LRBA: variants seen among roughly 807,000 people sequenced by gnomAD.
The protein encoded by LRBA is LPS responsive beige-like anchor protein, also known as lipopolysaccharide-responsive and beige-like anchor protein.
Under a neutral mutation model 330.0 loss-of-function variants are expected in LRBA, and 176 were observed. That is an observed-to-expected ratio of 0.53 (90% CI 0.47 to 0.60). The LOEUF (loss-of-function observed/expected upper bound fraction) is 0.60, where lower values mean the gene tolerates loss of function less well. LRBA is among the 20% of genes least tolerant of loss of function. The pLI is 0.00. For missense variants in LRBA, 3,259 were observed against 3,444.8 expected, an observed-to-expected ratio of 0.95 and a Z score of 1.35; for synonymous variants, 1,230 against 1,193.0, an observed-to-expected ratio of 1.03 and a Z score of -0.64.
At chr4:150,452,768 G>A (rs565285038) in intron 44 of LRBA, among the ~76,000 whole-genome samples, 1 of 152,194 alleles carries the variant, frequency 6.6e-6, no homozygotes, top group African/African-American at 2.4e-5. Flanking sequence ...TGTTAACCTT[G>A]TATAGTGCAG....
chr4:150,451,973 G>T (rs554417956), intron 44 of LRBA, among the ~76,000 whole-genome samples: 2 of 152,074 alleles, frequency 1.3e-5, no homozygotes, highest in African/African-American at 4.8e-5. Flanking sequence ...GGCCTAAATG[G>T]CTTCACTCAT....
chr4:150,359,470 C>T (rs1319420914), intron 47 of LRBA, among the ~76,000 whole-genome samples: 1 of 152,184 alleles, frequency 6.6e-6, no homozygotes, highest in East Asian at 1.9e-4. Context: ...CTTACAGCAA[C>T]TGATTACCAG....
chr4:150,717,667 C>CAATAATAATAATAAT lies in LRBA; in HGVS notation c.5754+17590_5754+17591insATTATTATTATTATT, dbSNP rs1553944883. Reference sequence around the variant, plus strand: ...ATAGTGAGACTCTGTCTCAAAATAACAATAATAGTAATAATAATAATAATA... The same window carrying CAATAATAATAATAAT: ...ATAGTGAGACTCTGTCTCAAAATAACAATAATAATAATAATAATAATAGTAATAATAATAATAATA... On this transcript the variant is annotated intron_variant, in intron 36 of 56. Transcript: ENST00000651943. Among the ~76,000 whole-genome samples, 6 of 15,972 alleles carry CAATAATAATAATAAT rather than the reference C, an allele frequency of 3.8e-4. No homozygotes were observed. The Admixed American group carries it at 4.2e-3, about 11-fold the overall frequency. The allele number at this position is 15,972 out of a possible 152,430, so 10.5% of individuals were successfully genotyped here. A position where few individuals can be genotyped will look rare whatever the true frequency, so the allele number is the denominator to read the frequency against.
rs140475638 is a variant in LRBA, at chr4:150,373,437, T to A, written c.7195-23278A>T. On this transcript the variant is annotated intron_variant, in intron 47 of 56. Transcript: ENST00000651943. ...TATTTTCAACTAGGTTTTTAAGATG[T>A]AACCTAGACTCTCATCAACTTGACT... is the stretch of plus-strand genomic sequence containing the variant. Among the ~76,000 whole-genome samples, 16 of 152,284 alleles carry A rather than the reference T, an allele frequency of 1.1e-4. No homozygotes were observed. The East Asian group carries it at 2.5e-3, about 24-fold the overall frequency.
chr4:150,973,033 C>A (rs754093101), intron 2 of LRBA, among the ~76,000 whole-genome samples: 3 of 152,166 alleles, frequency 2.0e-5, no homozygotes, highest in Non-Finnish European at 2.9e-5. Flanking sequence ...CACCTATAAT[C>A]CTAGCACTTT....
intron 2 of LRBA, among the ~76,000 whole-genome samples, chr4:150,943,314 T>A (rs1240621223): frequency 1.3e-5 from 2 of 152,190 alleles, no homozygotes; most frequent in African/African-American, 4.8e-5. Context: ...AGAGATAGGG[T>A]CTCACTATGT....
At chr4:150,717,675 G>GTAATAGTAATAATAATAA (rs71596232) in intron 36 of LRBA, among the ~76,000 whole-genome samples, 17 of 139,770 alleles carry the variant, frequency 1.2e-4, no homozygotes, top group African/African-American at 4.5e-4. Flanking sequence ...AACAATAATA[G>GTAATAGTAATAATAATAA]TAATAATAAT....
At position 150,265,693 on chromosome 4, in the gene LRBA, G is replaced by A. The variant is rs777605513; in HGVS notation, c.*29C>T. 9.2e-6 allele frequency: 13 copies of A among 1,419,824 alleles called. No homozygotes were observed. The South Asian group carries it at 1.5e-4, about 16-fold the overall frequency. The allele number at this position is 1,419,824 out of a possible 1,614,324, so 88.0% of individuals were successfully genotyped here. On this transcript the variant is annotated 3_prime_UTR_variant, in exon 57 of 57. Transcript: ENST00000651943. ...GCTCCAGGTACTTCTGCTCATCCTA[G>A]GGGCAGAGTTGATGTACAGCTGTCA...
intron 54 of LRBA, among the ~76,000 whole-genome samples, chr4:150,283,746 G>T (rs1020065401): frequency 6.6e-6 from 1 of 152,170 alleles, no homozygotes; most frequent in Non-Finnish European, 1.5e-5. Context: ...AATTTAGGTT[G>T]TCATAGTAAT....
intron 30 of LRBA, among the ~76,000 whole-genome samples, chr4:150,821,222 A>G (rs2126783972): frequency 6.6e-6 from 1 of 152,266 alleles, no homozygotes; most frequent in South Asian, 2.1e-4. Context: ...CCAATTATGC[A>G]AGCTGGTTTC....
At chr4:150,538,594 T>C (rs1764945247) in intron 40 of LRBA, among the ~76,000 whole-genome samples, 1 of 151,742 alleles carries the variant, frequency 6.6e-6, no homozygotes, top group African/African-American at 2.4e-5. Flanking sequence ...ACTGGGTACA[T>C]ATGGACATAC....
chr4:150,445,377 C>CTCTCTCTCTCTATA (rs1454079183), intron 44 of LRBA, among the ~76,000 whole-genome samples: 2 of 78,602 alleles, frequency 2.5e-5, no homozygotes. Context: ...CTCTCTCTCT[C>CTCTCTCTCTCTATA]TATATATATA....
chr4:150,451,505 G>A (rs942005140), intron 44 of LRBA, among the ~76,000 whole-genome samples: 32 of 152,052 alleles, frequency 2.1e-4, no homozygotes, highest in African/African-American at 7.2e-4. Flanking sequence ...CATTTAAATG[G>A]GATGAAAATA....
At chr4:150,950,056 T>C (rs552428275) in intron 2 of LRBA, among the ~76,000 whole-genome samples, 1 of 152,166 alleles carries the variant, frequency 6.6e-6, no homozygotes, top group East Asian at 1.9e-4. Context: ...ATTACATAAC[T>C]TCAGATTCAT....
At chr4:150,626,366 T>C (rs1375080419) in intron 37 of LRBA, among the ~76,000 whole-genome samples, 4 of 152,184 alleles carry the variant, frequency 2.6e-5, no homozygotes, top group Admixed American at 2.0e-4. Flanking sequence ...GCAAATCCCA[T>C]GTGCAGAACT....
chr4:150,914,093 C>CTTTT, intron 9 of LRBA, 102 bp downstream of exon 9: 3 of 720,482 alleles, frequency 4.2e-6, no homozygotes, highest in Admixed American at 3.1e-5. Context: ...TCTCATTTTT[C>CTTTT]TTTTTTTTTT....
intron 34 of LRBA, among the ~76,000 whole-genome samples, chr4:150,784,813 G>A (rs1738799536): frequency 6.6e-6 from 1 of 152,114 alleles, no homozygotes; most frequent in Admixed American, 6.5e-5. Context: ...TGAGGATCAA[G>A]AACCCTGGTG....
chr4:150,423,902 A>C (rs528477536), intron 46 of LRBA, among the ~76,000 whole-genome samples: 5 of 152,356 alleles, frequency 3.3e-5, no homozygotes, highest in African/African-American at 1.2e-4. Context: ...TTAGGAGAAA[A>C]TACGTTGTGA....
Position 150,482,964 on chromosome 4 carries a change from C to A in LRBA, c.6551+4768G>T, listed in dbSNP as rs374679828. Among the ~76,000 whole-genome samples, 4 of 151,688 alleles carry A rather than the reference C, an allele frequency of 2.6e-5. No homozygotes were observed. The East Asian group carries it at 7.7e-4, about 29-fold the overall frequency. ...GAACAAATACTTTAATCCAGTCTGG[C>A]GTATATTTTCATTTTCTTAAGAGTT... is the stretch of plus-strand genomic sequence containing the variant. On this transcript the variant is annotated intron_variant, in intron 42 of 56. Coordinates refer to ENST00000651943, the MANE Select transcript of LRBA (RefSeq NM_001364905.1).
Sources: allele counts gnomAD v4.1 joint callset (sites outside exome capture counted in the v4.1 genomes callset), GRCh38; gene constraint gnomAD v4.1.1; transcripts MANE v1.5; gene names NCBI Gene and HGNC (gene_info 2026-07-23, HGNC 2026-07-21).